The following RNF157 variants were observed in gnomAD, a reference collection of about 807,000 sequenced individuals.
RNF157 encodes the protein ring finger protein 157, also known as E3 ubiquitin ligase RNF157.
A neutral mutation model predicts 88.3 loss-of-function variants in RNF157; 55 were observed. That is an observed-to-expected ratio of 0.62 (90% CI 0.50 to 0.78). The LOEUF is 0.78. Among genes scored for constraint, RNF157 ranks in the 30% least tolerant of loss-of-function variants. The pLI is 0.00. For missense variants in RNF157, 788 were observed against 860.8 expected (o/e 0.92, Z 1.06); for synonymous variants, 334 against 341.2 (o/e 0.98, Z 0.23).
rs71161271 is a variant in RNF157 at position 76,185,475 on chromosome 17, C to CTTTTTTTTTTTTTTTTTTT, written c.208-11686_208-11685insAAAAAAAAAAAAAAAAAAA. ...ACTAGTGGTCAGAGATTAGTCCTTT[C>CTTTTTTTTTTTTTTTTTTT]TTTTTTTTTTTTGAGACGGAGTCTC... On this transcript the variant is annotated intron_variant, in intron 2 of 18. Transcript: ENST00000269391. 4.1e-4 allele frequency among the ~76,000 whole-genome samples: 58 copies of CTTTTTTTTTTTTTTTTTTT among 141,906 alleles called. 2 individuals carry two copies. Among genetic ancestry groups the CTTTTTTTTTTTTTTTTTTT allele is most frequent in the African/African-American group, 1.3e-3 (48 of 36,824 alleles). The allele number at this position is 141,906 out of a possible 152,430, so 93.1% of individuals were successfully genotyped here.
intron 2 of RNF157, among the ~76,000 whole-genome samples, chr17:76,197,545 T>G (rs2069498144): frequency 6.6e-6 from 1 of 152,200 alleles, no homozygotes; most frequent in Non-Finnish European, 1.5e-5. Context: ...TGATAGTCAG[T>G]AAGCTTCCTT....
chr17:76,145,246 A>C lies in RNF157; in HGVS notation c.2029T>G (p.Leu677Val). The C allele has an allele frequency of 6.2e-7, 1 of 1,603,566 alleles. No homozygotes were observed. Among genetic ancestry groups the C allele is most frequent in the Non-Finnish European group, 8.5e-7 (1 of 1,174,588 alleles). Residue 677 changes from leucine to valine, a missense_variant, in exon 19 of 19, where the codon TTG (leucine) becomes GTG (valine). Coordinates refer to ENST00000269391, the MANE Select transcript of RNF157 (RefSeq NM_052916.3). ...GCAGAGGCTGGGGCTCAGACAGCCA[A>C]AGGGCCCCACACACAGGGCCTCGTC... ...SETRPCVWGP[L>V]AV
chr17:76,175,769 C>CAAAG, intron 2 of RNF157: 1 of 985,034 alleles, frequency 1.0e-6, no homozygotes, highest in Non-Finnish European at 1.2e-6. Context: ...AAAAAAGATG[C>CAAAG]GTCTTTTCCC....
rs2070352968 is a variant in RNF157, at chr17:76,240,082, G to A, written c.88+71C>T. Reference sequence around the variant, plus strand: ...CCCGAAGACCCGCGGGGCCCCCTCAGGCCGTCCCGACCCAGACCCCTGCCC... The same window carrying A: ...CCCGAAGACCCGCGGGGCCCCCTCAAGCCGTCCCGACCCAGACCCCTGCCC... On this transcript the variant is annotated intron_variant, in intron 1 of 18. Transcript: ENST00000269391. This position sits in a 1 kb window ranked among gnomAD's most constrained non-coding sequence, Gnocchi z 4.4. 2 of 972,984 alleles carry A rather than the reference G, an allele frequency of 2.1e-6. No individual in the cohort carries two copies. The highest frequency in any genetic ancestry group is 1.3e-6 in the Non-Finnish European group (1 of 758,304). 60.3% of individuals were successfully genotyped at this position (972,984 alleles called of 1,614,324 possible).
At chr17:76,191,968 T>C (rs571491124) in intron 2 of RNF157, among the ~76,000 whole-genome samples, 1 of 152,298 alleles carries the variant, frequency 6.6e-6, no homozygotes, top group Admixed American at 6.5e-5. Context: ...CAGACTTTTA[T>C]ATAACAGTTT....
chr17:76,240,073 GC>G lies in RNF157; in HGVS notation c.88+79del. On this transcript the variant is annotated intron_variant, in intron 1 of 18. Coordinates refer to ENST00000269391, the MANE Select transcript of RNF157 (RefSeq NM_052916.3). This position sits in a 1 kb window ranked among gnomAD's most constrained non-coding sequence, Gnocchi z 4.4. Reference sequence around the variant, plus strand: ...CACTGAGTCCCCGAAGACCCGCGGGGCCCCCTCAGGCCGTCCCGACCCAGAC... The same window carrying G: ...CACTGAGTCCCCGAAGACCCGCGGGGCCCCTCAGGCCGTCCCGACCCAGAC... The G allele has an allele frequency of 2.4e-6, 2 of 823,004 alleles. No individual in the cohort carries two copies. Among genetic ancestry groups the G allele is most frequent in the Non-Finnish European group, 1.6e-6 (1 of 626,666 alleles). The allele number at this position is 823,004 out of a possible 1,614,324, so 51.0% of individuals were successfully genotyped here. A position where few individuals can be genotyped will look rare whatever the true frequency, so the allele number is the denominator to read the frequency against.
rs2068816145 is a variant in RNF157 at position 76,159,499 on chromosome 17, G to T, written c.1140C>A (p.Ser380=). The T allele has an allele frequency of 6.2e-7, 1 of 1,608,952 alleles. No homozygotes were observed. The highest frequency in any genetic ancestry group is 8.5e-7 in the Non-Finnish European group (1 of 1,178,320). Residue 380 remains serine (S), a synonymous_variant, in exon 12 of 19, where the codon TCC becomes TCA. Coordinates refer to ENST00000269391, the MANE Select transcript of RNF157 (RefSeq NM_052916.3). Reference sequence around the variant, plus strand: ...GCACGTGAAGTGGAGGAACTGCTGGGGACGGGGTGAGGGGCCCGTTGAGGG... The same window carrying T: ...GCACGTGAAGTGGAGGAACTGCTGGTGACGGGGTGAGGGGCCCGTTGAGGG... ...LEALNGPLTP[S]PAVPPLHVLG... is the part of the protein sequence containing the mutation.
chr17:76,211,943 G>A (rs1250377804), intron 2 of RNF157: 1 of 154,276 alleles, frequency 6.5e-6, no homozygotes, highest in Non-Finnish European at 1.4e-5. Context: ...TTTGTTCTAG[G>A]TTTGGGATAC....
chr17:76,216,599 A>G (rs1354626611), intron 1 of RNF157, among the ~76,000 whole-genome samples: 1 of 152,046 alleles, frequency 6.6e-6, no homozygotes, highest in Non-Finnish European at 1.5e-5. Flanking sequence ...TAAAAATAAT[A>G]ATAATAATAA....
intron 1 of RNF157, among the ~76,000 whole-genome samples, chr17:76,233,884 C>T (rs1372172803): frequency 6.6e-6 from 1 of 152,156 alleles, no homozygotes; most frequent in Non-Finnish European, 1.5e-5. Flanking sequence ...ACAGAATTCA[C>T]CTATTTAGTG....
At chr17:76,203,837 G>A (rs1389184115) in intron 2 of RNF157, among the ~76,000 whole-genome samples, 7 of 144,838 alleles carry the variant, frequency 4.8e-5, no homozygotes, top group East Asian at 4.0e-4. Flanking sequence ...GCACGATCTC[G>A]GCTCACTGCA....
intron 1 of RNF157, among the ~76,000 whole-genome samples, chr17:76,236,938 C>T (rs1016629563): frequency 5.3e-5 from 8 of 152,106 alleles, no homozygotes; most frequent in African/African-American, 1.9e-4. Context: ...TCCAAAGAAA[C>T]CAAAAGTGGT....
intron 1 of RNF157, among the ~76,000 whole-genome samples, chr17:76,227,888 TAA>T (rs961110498): frequency 2.0e-5 from 3 of 151,832 alleles, no homozygotes; most frequent in Non-Finnish European, 2.9e-5. Context: ...AAAAAAAATT[TAA>T]AAAAAGAGGT....
chr17:76,174,736 T>C (rs2144884367), intron 2 of RNF157, among the ~76,000 whole-genome samples: 1 of 152,360 alleles, frequency 6.6e-6, no homozygotes, highest in Non-Finnish European at 1.5e-5. Context: ...TGAATATGGT[T>C]ATTTTACTTG....
chr17:76,161,458 G>A lies in RNF157; in HGVS notation c.1065+77C>T, dbSNP rs1242657064. 36 of 1,104,364 alleles carry A rather than the reference G, an allele frequency of 3.3e-5. No individual in the cohort carries two copies. In the East Asian group the frequency reaches 6.6e-4, roughly 20 times the overall value. 68.4% of individuals were successfully genotyped at this position (1,104,364 alleles called of 1,614,324 possible). A position where few individuals can be genotyped will look rare whatever the true frequency, so the allele number is the denominator to read the frequency against. On this transcript the variant is annotated intron_variant, in intron 11 of 18. Coordinates refer to ENST00000269391, the MANE Select transcript of RNF157 (RefSeq NM_052916.3). This position sits in a 1 kb window ranked among gnomAD's most constrained non-coding sequence, Gnocchi z 4.6. ...GTCTAATTCCTTGCTGCAATGCCAC[G>A]TAGAGAAGCATGAAAAGTTTAAAAA...
chr17:76,229,141 G>A (rs1057234666), intron 1 of RNF157, among the ~76,000 whole-genome samples: 3 of 152,026 alleles, frequency 2.0e-5, no homozygotes, highest in Non-Finnish European at 4.4e-5. Context: ...CATTTCTGAG[G>A]CTCTCTTTCC....
At chr17:76,230,139 G>C (rs374623424) in intron 1 of RNF157, among the ~76,000 whole-genome samples, 1 of 152,308 alleles carries the variant, frequency 6.6e-6, no homozygotes, top group East Asian at 1.9e-4. Context: ...ACTGGATCAT[G>C]GGAGTCAAAA....
At position 76,167,101 on chromosome 17, in the gene RNF157, G is replaced by C; in HGVS notation, c.469C>G (p.Gln157Glu). 6.2e-7 allele frequency: 1 copy of C among 1,612,604 alleles called. No individual in the cohort carries two copies. The highest frequency in any genetic ancestry group is 1.1e-5 in the South Asian group (1 of 90,824). ...CGCTTGTACTGCACAGTCTCCGACT[G>C]GAGGCTGTTGTCTTTGGGAATGTAG... is the stretch of plus-strand genomic sequence containing the variant. ...ASYIPKDNSL[Q>E]SETVQYKRGV... is the part of the protein sequence containing the mutation. Residue 157 changes from glutamine to glutamate, a missense_variant, in exon 5 of 19, where the codon CAG (glutamine) becomes GAG (glutamate). Physicochemically the swap from Gln to Glu is conservative, Grantham distance 29. Coordinates refer to ENST00000269391, the MANE Select transcript of RNF157 (RefSeq NM_052916.3).
At chr17:76,215,314 A>C (rs2069869274) in intron 1 of RNF157, among the ~76,000 whole-genome samples, 1 of 152,000 alleles carries the variant, frequency 6.6e-6, no homozygotes. Context: ...AAAATAAATA[A>C]AAATACAAAA....
Sources: gnomAD v4.1 joint callset for allele counts (sites outside exome capture counted in the v4.1 genomes callset) on GRCh38, gnomAD v4.1.1 for gene constraint, Gnocchi (gnomAD v3.1) non-coding constraint, MANE v1.5 for transcripts, NCBI Gene and HGNC (gene_info 2026-07-23, HGNC 2026-07-21) for gene names.